Variants in AKAP7 observed in about 807,000 individuals in gnomAD.
AKAP7 encodes the protein A kinase (PRKA) anchor protein 7.
In AKAP7, 39 loss-of-function variants were observed where a neutral mutation model predicts 39.5. The ratio of observed to expected loss-of-function variants is 0.99; its 90% CI spans 0.76 to 1.29. AKAP7 has a LOEUF of 1.29. Ranked by LOEUF, AKAP7 falls within the 50% of genes most tolerant of loss-of-function variation. The pLI is 0.00. For synonymous variants in AKAP7, 140 were observed against 139.1 expected, an observed-to-expected ratio of 1.01 and a Z score of -0.05; for missense variants, 414 against 407.7, an observed-to-expected ratio of 1.02 and a Z score of -0.13.
chr6:131,265,593 G>A (rs189381892), intron 7 of AKAP7, among the ~76,000 whole-genome samples: 1 of 152,210 alleles, frequency 6.6e-6, no homozygotes, highest in African/African-American at 2.4e-5. Context: ...TGTAACTCAA[G>A]AGAAAGCAAT....
At chr6:131,138,592 C>T (rs139973937) in intron 1 of AKAP7, among the ~76,000 whole-genome samples, 3 of 152,172 alleles carry the variant, frequency 2.0e-5, no homozygotes, top group Non-Finnish European at 4.4e-5. Context: ...GGATTGCCTC[C>T]GTTTACATTG....
chr6:131,250,506 G>A, intron 7 of AKAP7: 1 of 1,612,576 alleles, frequency 6.2e-7, no homozygotes. Context: ...GCTATAAACT[G>A]CAATTTCTAT....
intron 6 of AKAP7, among the ~76,000 whole-genome samples, chr6:131,216,900 C>A (rs750366080): frequency 9.2e-5 from 14 of 152,186 alleles, no homozygotes; most frequent in Non-Finnish European, 1.8e-4. Context: ...TTGCAACACC[C>A]ATAGCATGAT....
intron 6 of AKAP7, among the ~76,000 whole-genome samples, chr6:131,204,004 C>A (rs1003557017): frequency 6.6e-6 from 1 of 152,002 alleles, no homozygotes; most frequent in African/African-American, 2.4e-5. Context: ...GCAATAGTGA[C>A]AATTTATACT....
chr6:131,204,356 A>T (rs1159831923), intron 6 of AKAP7, among the ~76,000 whole-genome samples: 1 of 152,212 alleles, frequency 6.6e-6, no homozygotes, highest in Non-Finnish European at 1.5e-5. Context: ...AGATATAAGG[A>T]TTCTATAACA....
chr6:131,197,859 A>G (rs1199130693), intron 5 of AKAP7, among the ~76,000 whole-genome samples: 1 of 152,202 alleles, frequency 6.6e-6, no homozygotes, highest in Non-Finnish European at 1.5e-5. Flanking sequence ...CAGGGGACCA[A>G]CGCTAGTATG....
At chr6:131,204,310 G>A (rs2128285343) in intron 6 of AKAP7, among the ~76,000 whole-genome samples, 1 of 152,184 alleles carries the variant, frequency 6.6e-6, no homozygotes, top group East Asian at 1.9e-4. Context: ...GTCAATTATG[G>A]TAAATCATAT....
At chr6:131,164,672 T>C (rs899448956) in intron 3 of AKAP7, 2 of 314,958 alleles carry the variant, frequency 6.4e-6, no homozygotes, top group African/African-American at 4.4e-5. Context: ...GAATGTTGTC[T>C]GCTGGCTTGA....
intron 2 of AKAP7, among the ~76,000 whole-genome samples, chr6:131,148,413 C>T (rs957092552): frequency 2.0e-5 from 3 of 152,146 alleles, no homozygotes; most frequent in Middle Eastern, 3.4e-3. Context: ...TTGTGTTTTA[C>T]GTTTTGGTTA....
intron 5 of AKAP7, among the ~76,000 whole-genome samples, chr6:131,173,708 G>C (rs1374992138): frequency 1.3e-5 from 2 of 152,120 alleles, no homozygotes; most frequent in Non-Finnish European, 2.9e-5. Flanking sequence ...CAAATCATTT[G>C]GGACTGATAG....
chr6:131,239,233 GC>G (rs1811326985), intron 7 of AKAP7, among the ~76,000 whole-genome samples: 1 of 152,194 alleles, frequency 6.6e-6, no homozygotes, highest in East Asian at 1.9e-4. Context: ...TTGAATATTG[GC>G]CCCCACTCTC....
At chr6:131,191,787 T>C (rs1806428941) in intron 5 of AKAP7, among the ~76,000 whole-genome samples, 1 of 151,780 alleles carries the variant, frequency 6.6e-6, no homozygotes, top group African/African-American at 2.4e-5. Flanking sequence ...CTTTGGACAG[T>C]GCCTGTCTCC....
chr6:131,253,659 C>CTTACTTAT lies in AKAP7; in HGVS notation c.851-27868_851-27867insCTTATTTA, dbSNP rs756122068. Among the ~76,000 whole-genome samples the CTTACTTAT allele has an allele frequency of 5.3e-5, 8 of 149,796 alleles. No homozygotes were observed. The East Asian group carries it at 5.9e-4, about 11-fold the overall frequency. On this transcript the variant is annotated intron_variant, in intron 7 of 7. Transcript: ENST00000431975. ...TTCCACTCTATCTCCATGAGATCTACTTATTTATTTATTTATTTATTTATT... is the reference window on the plus strand; with the variant it reads ...TTCCACTCTATCTCCATGAGATCTACTTACTTATTTATTTATTTATTTATTTATTTATT...
chr6:131,170,065 A>G (rs1803883917), intron 5 of AKAP7, among the ~76,000 whole-genome samples: 1 of 146,746 alleles, frequency 6.8e-6, no homozygotes, highest in African/African-American at 2.5e-5. Context: ...AAGCAATGTA[A>G]TAATAACCTG....
intron 7 of AKAP7, among the ~76,000 whole-genome samples, chr6:131,249,291 A>G (rs551736543): frequency 5.3e-5 from 8 of 152,250 alleles, no homozygotes; most frequent in East Asian, 3.9e-4. Flanking sequence ...TCAAAATTCT[A>G]TCTTTCAGAA....
At chr6:131,245,235 G>A (rs1233369005) in intron 7 of AKAP7, among the ~76,000 whole-genome samples, 2 of 150,252 alleles carry the variant, frequency 1.3e-5, no homozygotes, top group Non-Finnish European at 3.0e-5. Flanking sequence ...ATTATTGAGA[G>A]TTGAATTCTT....
At chr6:131,274,128 C>A (rs754333690) in intron 7 of AKAP7, among the ~76,000 whole-genome samples, 3 of 151,834 alleles carry the variant, frequency 2.0e-5, no homozygotes, top group Non-Finnish European at 2.9e-5. Context: ...GTATATAATG[C>A]GTCTTTTTTC....
intron 7 of AKAP7, among the ~76,000 whole-genome samples, chr6:131,231,810 T>C (rs1810648581): frequency 6.6e-6 from 1 of 152,208 alleles, no homozygotes; most frequent in Non-Finnish European, 1.5e-5. Context: ...AATACTCTAA[T>C]TCCAGTCTTG....
intron 6 of AKAP7, among the ~76,000 whole-genome samples, chr6:131,205,141 AT>A (rs1466939432): frequency 2.0e-5 from 3 of 152,124 alleles, no homozygotes; most frequent in Non-Finnish European, 4.4e-5. Context: ...TCCATTCATT[AT>A]TGTCTATAGG....
Sources: allele counts gnomAD v4.1 joint callset (sites outside exome capture counted in the v4.1 genomes callset), GRCh38; gene constraint gnomAD v4.1.1; transcripts MANE v1.5; gene names NCBI Gene and HGNC (gene_info 2026-07-23, HGNC 2026-07-21).